Variants in RPRD2 observed in about 807,000 individuals in gnomAD.
RPRD2 encodes regulation of nuclear pre-mRNA domain-containing protein 2.
A neutral mutation model predicts 104.4 loss-of-function variants in RPRD2; 12 were observed. The ratio of observed to expected loss-of-function variants is 0.11; its 90% confidence interval spans 0.07 to 0.19. The LOEUF (loss-of-function observed/expected upper bound fraction) is 0.19, where lower values mean the gene tolerates loss of function less well. Among genes scored for constraint, RPRD2 ranks in the 10% least tolerant of loss-of-function variants. The pLI is 1.00. For synonymous variants in RPRD2, 714 were observed against 684.9 expected (o/e 1.04, Z -0.66); for missense variants, 1,543 against 1,790.1 (o/e 0.86, Z 2.49).
intron 2 of RPRD2, among the ~76,000 whole-genome samples, chr1:150,433,484 A>G (rs751795139): frequency 2.0e-4 from 24 of 120,722 alleles, no homozygotes; most frequent in South Asian, 7.3e-4. Flanking sequence ...TCGCTCTGTC[A>G]CCCAGGCTGG....
chr1:150,417,531 G>T, intron 1 of RPRD2, 65 bp from the exon 2 acceptor site: 7 of 1,316,064 alleles, frequency 5.3e-6, no homozygotes, highest in Non-Finnish European at 7.1e-6. Context: ...ACTGTATTTG[G>T]AATAAGTTGA....
intron 2 of RPRD2, among the ~76,000 whole-genome samples, chr1:150,420,316 G>GA (rs1480617948): frequency 6.6e-6 from 1 of 151,714 alleles, no homozygotes; most frequent in Non-Finnish European, 1.5e-5. Flanking sequence ...TTGTTTCATG[G>GA]AAAAAAGTGA....
At position 150,364,512 on chromosome 1, in the gene RPRD2, G is replaced by A; in HGVS notation, c.-203G>A. 1.9e-6 allele frequency: 1 copy of A among 513,538 alleles called. No individual in the cohort carries two copies. The highest frequency in any genetic ancestry group is 3.8e-5 in the Admixed American group (1 of 26,650). 31.8% of individuals were successfully genotyped at this position (513,538 alleles called of 1,614,324 possible). A position where few individuals can be genotyped will look rare whatever the true frequency, so the allele number is the denominator to read the frequency against. On this transcript the variant is annotated 5_prime_UTR_variant, in exon 1 of 11. Transcript: ENST00000369068. ...CCGAGACCCGCAGCCCCTCCTTGCA[G>A]CGTGTAGGAGCTGCCAGCGTGCCCA... is the stretch of plus-strand genomic sequence containing the variant.
chr1:150,447,334 C>CTTT (rs34565214), intron 7 of RPRD2, among the ~76,000 whole-genome samples: 1 of 136,148 alleles, frequency 7.3e-6, no homozygotes, highest in Non-Finnish European at 1.6e-5. Flanking sequence ...AATTAAGGAA[C>CTTT]TTTTTTTTTT....
chr1:150,430,018 T>C (rs1228112008), intron 2 of RPRD2, among the ~76,000 whole-genome samples: 1 of 152,216 alleles, frequency 6.6e-6, no homozygotes, highest in Non-Finnish European at 1.5e-5. Context: ...TTCTGAGATA[T>C]AGTTGTTCTA....
intron 2 of RPRD2, among the ~76,000 whole-genome samples, chr1:150,436,461 C>T (rs1265689055): frequency 1.3e-5 from 2 of 151,322 alleles, no homozygotes; most frequent in South Asian, 2.1e-4. Flanking sequence ...ATTAGCTGGG[C>T]GTGGTGGCAG....
At chr1:150,456,417 T>C (rs1667527988) in intron 7 of RPRD2, among the ~76,000 whole-genome samples, 1 of 152,014 alleles carries the variant, frequency 6.6e-6, no homozygotes, top group Non-Finnish European at 1.5e-5. Flanking sequence ...ACAGATGATA[T>C]ATTATCTTGT....
chr1:150,390,996 A>T (rs72696853), intron 1 of RPRD2, among the ~76,000 whole-genome samples: 33,818 of 152,116 alleles, frequency 0.22, 4,291 homozygotes, highest in African/African-American at 0.32. Flanking sequence ...AGAAGCTCTT[A>T]AAAACAGTAG....
In RPRD2 at chr1:150,417,887, C is replaced by CTTTCT. The variant is rs782314181; in HGVS notation, c.335+181_335+185dup. 3.9e-3 allele frequency among the ~76,000 whole-genome samples: 594 copies of CTTTCT among 151,906 alleles called. 5 individuals are homozygous for CTTTCT. Among genetic ancestry groups the CTTTCT allele is most frequent in the African/African-American group, 0.014 (564 of 41,328 alleles). ...TTCTTGTTAACACACGTTTTTCTTT[C>CTTTCT]TTTCTTTTCTTTTCTTTTCTTTTTC... On this transcript the variant is annotated intron_variant, in intron 2 of 10. Coordinates refer to ENST00000369068, the MANE Select transcript of RPRD2 (RefSeq NM_015203.5).
intron 2 of RPRD2, among the ~76,000 whole-genome samples, chr1:150,422,370 A>T (rs1349962498): frequency 3.5e-5 from 2 of 57,878 alleles, no homozygotes; most frequent in African/African-American, 1.2e-4. Context: ...ATAATAATAA[A>T]TAAAATTAAA....
At chr1:150,381,814 A>G (rs1365820915) in intron 1 of RPRD2, among the ~76,000 whole-genome samples, 1 of 152,006 alleles carries the variant, frequency 6.6e-6, no homozygotes, top group Non-Finnish European at 1.5e-5. Flanking sequence ...ACAGGACACA[A>G]TGTTTTTGTT....
intron 7 of RPRD2, among the ~76,000 whole-genome samples, chr1:150,450,766 G>A (rs181223989): frequency 9.9e-5 from 15 of 151,630 alleles, no homozygotes; most frequent in Admixed American, 5.3e-4. Flanking sequence ...AACTACAGGC[G>A]CCCACCACCA....
In RPRD2 at chr1:150,457,497, A is replaced by G. The variant is rs782148813; in HGVS notation, c.1080A>G (p.Glu360=). ...TMESEKSATP[E]PVTDNRDVED... is the part of the protein sequence containing the mutation. ...AGAGTGAGAAATCTGCCACACCTGA[A>G]CCTGTGACAGATAATCGTGATGTGG... The change falls in exon 8 of 11, where the codon GAA becomes GAG. Residue 360 remains glutamate (E), a synonymous_variant. Transcript: ENST00000369068. The G allele has an allele frequency of 2.5e-6, 4 of 1,613,770 alleles. No homozygotes were observed. Among genetic ancestry groups the G allele is most frequent in the Non-Finnish European group, 3.4e-6 (4 of 1,179,778 alleles).
Position 150,373,533 on chromosome 1 carries a change from C to CTTTT in RPRD2, c.205+8632_205+8635dup, listed in dbSNP as rs56743462. Among the ~76,000 whole-genome samples, 11 of 97,414 alleles carry CTTTT rather than the reference C, an allele frequency of 1.1e-4. 1 individual carries two copies. The highest frequency in any genetic ancestry group is 1.6e-4 in the Non-Finnish European group (8 of 49,670). 63.9% of individuals were successfully genotyped at this position (97,414 alleles called of 152,430 possible). On this transcript the variant is annotated intron_variant, in intron 1 of 10. Transcript: ENST00000369068. Reference sequence around the variant, plus strand: ...AGAGGAGGAGAATAATCAAGAATGACTTTTTTTTTTTTTTTTTTTTTAGCT... The same window carrying CTTTT: ...AGAGGAGGAGAATAATCAAGAATGACTTTTTTTTTTTTTTTTTTTTTTTTTAGCT...
At chr1:150,381,697 G>T (rs1553880836) in intron 1 of RPRD2, among the ~76,000 whole-genome samples, 1 of 151,856 alleles carries the variant, frequency 6.6e-6, no homozygotes, top group African/African-American at 2.4e-5. Context: ...GTAGAGACGG[G>T]GTTTCACCGT....
At chr1:150,375,657 C>A (rs1451432818) in intron 1 of RPRD2, among the ~76,000 whole-genome samples, 3 of 152,144 alleles carry the variant, frequency 2.0e-5, no homozygotes, top group East Asian at 3.8e-4. Context: ...CATCAAAATT[C>A]TTTCTTCCTC....
rs1261370248 is a variant in RPRD2 at position 150,470,943 on chromosome 1, C to A, written c.1995C>A (p.Ser665=). 1.2e-6 allele frequency: 2 copies of A among 1,613,880 alleles called. No individual in the cohort carries two copies. The highest frequency in any genetic ancestry group is 1.7e-6 in the Non-Finnish European group (2 of 1,179,896). The change falls in exon 11 of 11, where the codon TCC becomes TCA. Residue 665 remains serine (S), a synonymous_variant. Coordinates refer to ENST00000369068, the MANE Select transcript of RPRD2 (RefSeq NM_015203.5). ...SKPKLESEST[S]PSLEMKIHNF... ...CAAAGCTGGAGTCAGAGTCCACCTC[C>A]CCAAGCCTGGAAATGAAGATTCACA...
intron 1 of RPRD2, among the ~76,000 whole-genome samples, chr1:150,393,957 A>G (rs587674729): frequency 4.6e-5 from 7 of 152,268 alleles, no homozygotes; most frequent in South Asian, 2.1e-4. Flanking sequence ...CCCCAACTAT[A>G]AACAGTCTGG....
intron 9 of RPRD2, 142 bp downstream of exon 9, chr1:150,460,459 A>C: frequency 1.2e-6 from 1 of 863,046 alleles, no homozygotes. Flanking sequence ...GCAGGAGTGC[A>C]GTGGTGCAAT....
Sources: allele counts gnomAD v4.1 joint callset (sites outside exome capture counted in the v4.1 genomes callset), GRCh38; gene constraint gnomAD v4.1.1; transcripts MANE v1.5; gene names NCBI Gene and HGNC (gene_info 2026-07-23, HGNC 2026-07-21).